Variants in ABI1 observed in about 807,000 individuals in gnomAD.
ABI1 encodes the protein Abelson interactor 1.
A neutral mutation model predicts 54.6 loss-of-function variants in ABI1; 14 were observed. The ratio of observed to expected loss-of-function variants is 0.26; its 90% CI spans 0.17 to 0.40. The LOEUF (loss-of-function observed/expected upper bound fraction) is 0.40, where lower values mean the gene tolerates loss of function less well. Among genes scored for constraint, ABI1 ranks in the 10% least tolerant of loss-of-function variants. The pLI is 1.00. For synonymous variants in ABI1, 194 were observed against 209.3 expected, an observed-to-expected ratio of 0.93 and a Z score of 0.63; for missense variants, 443 against 598.3, an observed-to-expected ratio of 0.74 and a Z score of 2.71.
At chr10:26,779,327 A>G (rs907777162) in intron 2 of ABI1, among the ~76,000 whole-genome samples, 5 of 152,194 alleles carry the variant, frequency 3.3e-5, no homozygotes, top group Admixed American at 2.0e-4. Context: ...CAGGATAAGT[A>G]CCAGGAAGTA....
chr10:26,778,358 A>G (rs1841686170), intron 2 of ABI1, among the ~76,000 whole-genome samples: 1 of 152,134 alleles, frequency 6.6e-6, no homozygotes, highest in African/African-American at 2.4e-5. Context: ...TGACATGATC[A>G]CCTCTGCATT....
At position 26,770,307 on chromosome 10, in the gene ABI1, C is replaced by G. The variant is rs141074591; in HGVS notation, c.516G>C (p.Ser172=). The stretch of plus-strand genomic sequence containing the variant: ...GTTTCTGAGTAGGAGGATTTGTTCT[C>G]GACAGTGTGCCAGTTCTTGCAGGCT... ...NNQPARTGTL[S]RTNPPTQKPP... Residue 172 remains serine (S), a synonymous_variant, in exon 5 of 11, where the codon TCG becomes TCC. Coordinates refer to ENST00000376140, the MANE Select transcript of ABI1 (RefSeq NM_001012750.3). 2.5e-6 allele frequency: 4 copies of G among 1,613,988 alleles called. No homozygotes were observed. The highest frequency in any genetic ancestry group is 2.5e-6 in the Non-Finnish European group (3 of 1,179,888).
chr10:26,849,402 A>C (rs1350968110), intron 1 of ABI1, among the ~76,000 whole-genome samples: 1 of 152,214 alleles, frequency 6.6e-6, no homozygotes, highest in Non-Finnish European at 1.5e-5. Context: ...TTAAATCTTG[A>C]CCCTTGAGAA....
intron 2 of ABI1, among the ~76,000 whole-genome samples, chr10:26,816,795 C>T (rs2047592429): frequency 2.0e-5 from 3 of 151,736 alleles, no homozygotes; most frequent in Admixed American, 1.3e-4. Context: ...CATAATTTTA[C>T]CCATTGACTA....
chr10:26,752,167 G>A (rs1837718148), intron 9 of ABI1, among the ~76,000 whole-genome samples: 1 of 152,134 alleles, frequency 6.6e-6, no homozygotes, highest in African/African-American at 2.4e-5. Context: ...GTAACATTAC[G>A]TTAATGGTTT....
rs1160847317 is a variant in ABI1, at chr10:26,771,094, A to T, written c.463-5T>A. ...TCTTACCTTGGCTTTTAGCCACTTT[A>T]CGTTGGCAAAAAAAGGGGGGGAAAA... On this transcript the variant is annotated splice_region_variant and splice_polypyrimidine_tract_variant and intron_variant, in intron 3 of 10. Transcript: ENST00000376140. 6.2e-7 allele frequency: 1 copy of T among 1,613,462 alleles called. No individual in the cohort carries two copies. Among genetic ancestry groups the T allele is most frequent in the Non-Finnish European group, 8.5e-7 (1 of 1,179,708 alleles).
At chr10:26,760,528 T>C (rs566327790) in intron 7 of ABI1, among the ~76,000 whole-genome samples, 2 of 152,336 alleles carry the variant, frequency 1.3e-5, no homozygotes, top group Non-Finnish European at 1.5e-5. Context: ...TTAAAAATAA[T>C]TGTCTATTCA....
intron 2 of ABI1, among the ~76,000 whole-genome samples, chr10:26,818,948 G>A (rs192495667): frequency 1.1e-4 from 17 of 152,120 alleles, no homozygotes; most frequent in Admixed American, 6.5e-5. Context: ...AGCCGAGATC[G>A]CACCACTGTA....
In ABI1 at chr10:26,855,672, A is replaced by G. The variant is rs376645137; in HGVS notation, c.117+5075T>C. On this transcript the variant is annotated intron_variant, in intron 1 of 10. Transcript: ENST00000376140. The stretch of plus-strand genomic sequence containing the variant: ...CATTGTTTTTATCCCCTATGTTGCC[A>G]TAAGAACCCTGTTTAGGGCCGGGTG... Among the ~76,000 whole-genome samples the G allele has an allele frequency of 7.2e-5, 11 of 152,270 alleles. No homozygotes were observed. The South Asian group carries it at 1.5e-3, about 20-fold the overall frequency.
intron 1 of ABI1, among the ~76,000 whole-genome samples, chr10:26,851,348 A>ATTTTTTTTTTTTTTTTTTTTTTTTTTTT (rs397724445): frequency 4.4e-5 from 3 of 67,808 alleles, no homozygotes; most frequent in African/African-American, 1.9e-4. Flanking sequence ...GACTAAGCTA[A>ATTTTTTTTTTTTTTTTTTTTTTTTTTTT]TTTTTTTTTT....
chr10:26,852,708 T>A (rs2050495645), intron 1 of ABI1, among the ~76,000 whole-genome samples: 1 of 152,166 alleles, frequency 6.6e-6, no homozygotes, highest in Non-Finnish European at 1.5e-5. Context: ...AAATTATTAA[T>A]AAAAATTAAT....
intron 7 of ABI1, among the ~76,000 whole-genome samples, chr10:26,759,788 T>C (rs1838874117): frequency 6.6e-6 from 1 of 151,940 alleles, no homozygotes; most frequent in African/African-American, 2.4e-5. Context: ...TATTTTTGAG[T>C]TTTTATTGAA....
intron 2 of ABI1, among the ~76,000 whole-genome samples, chr10:26,819,467 A>T (rs2047821218): frequency 6.6e-6 from 1 of 152,250 alleles, no homozygotes; most frequent in South Asian, 2.1e-4. Context: ...AAAAATAGAC[A>T]TTCAGAATTA....
intron 2 of ABI1, among the ~76,000 whole-genome samples, chr10:26,794,060 T>C (rs993946851): frequency 6.6e-5 from 10 of 152,044 alleles, no homozygotes; most frequent in African/African-American, 2.2e-4. Flanking sequence ...CTGGCCAACA[T>C]GGTGAAACGC....
At chr10:26,808,475 A>C (rs921229775) in intron 2 of ABI1, among the ~76,000 whole-genome samples, 1 of 152,116 alleles carries the variant, frequency 6.6e-6, no homozygotes, top group Non-Finnish European at 1.5e-5. Flanking sequence ...GGGTCCCAGC[A>C]CTTTGGGAGG....
rs1412942556 is a variant in ABI1 at position 26,777,183 on chromosome 10, T to C, written c.344A>G (p.Asn115Ser). ...ARREIGILTT[N>S]KNTSRTHKII... ...TTTGTGAGTTCTTGATGTATTCTTATTTGTTGTCAAAATACCAATCTCTCT... is the reference window on the plus strand; with the variant it reads ...TTTGTGAGTTCTTGATGTATTCTTACTTGTTGTCAAAATACCAATCTCTCT... Residue 115 changes from asparagine to serine, a missense_variant, in exon 3 of 11, where the codon AAT (asparagine) becomes AGT (serine). Asn to Ser is a conservative substitution (Grantham distance 46). Around this residue, in one of 2 missense-constraint regions of ABI1, gnomAD observed 394 missense variants for 484.8 expected, o/e 0.81. Transcript: ENST00000376140. 2 of 1,613,732 alleles carry C rather than the reference T, an allele frequency of 1.2e-6. No homozygotes were observed. Among genetic ancestry groups the C allele is most frequent in the East Asian group, 2.2e-5 (1 of 44,864 alleles).
intron 3 of ABI1, among the ~76,000 whole-genome samples, chr10:26,774,351 T>C (rs1010375375): frequency 6.6e-6 from 1 of 152,208 alleles, no homozygotes; most frequent in Non-Finnish European, 1.5e-5. Flanking sequence ...AAGTCCTTTG[T>C]AAATTATGAT....
At chr10:26,807,945 A>G (rs533112925) in intron 2 of ABI1, among the ~76,000 whole-genome samples, 3 of 152,060 alleles carry the variant, frequency 2.0e-5, no homozygotes, top group Non-Finnish European at 4.4e-5. Context: ...TACAAAAATT[A>G]GCTGGGCGTG....
intron 2 of ABI1, among the ~76,000 whole-genome samples, chr10:26,788,022 T>C (rs1055992171): frequency 2.0e-5 from 3 of 152,248 alleles, no homozygotes; most frequent in Non-Finnish European, 2.9e-5. Context: ...CCAAATCTCA[T>C]CTTGAATTGT....
Sources: gnomAD v4.1 joint callset for allele counts (sites outside exome capture counted in the v4.1 genomes callset) on GRCh38, gnomAD v4.1.1 for gene constraint, gnomAD v4.1.1 regional missense constraint, MANE v1.5 for transcripts, NCBI Gene and HGNC (gene_info 2026-07-23, HGNC 2026-07-21) for gene names.